Variants in UPP2 observed in about 807,000 individuals in gnomAD.
UPP2 encodes the protein UPase 2.
UPP2 carries 23 observed loss-of-function variants against 26.7 expected under a neutral mutation model. The observed-to-expected ratio is 0.86, with a 90% CI of 0.62 to 1.22. The LOEUF (loss-of-function observed/expected upper bound fraction) is 1.22. UPP2 is among the 50% of genes most tolerant of loss of function. The pLI is 0.00. For missense variants in UPP2, 387 were observed against 396.7 expected (o/e 0.98, Z 0.21); for synonymous variants, 127 against 141.3 (o/e 0.90, Z 0.72).
At chr2:158,088,229 T>G (rs1051569397) in intron 3 of UPP2, among the ~76,000 whole-genome samples, 1 of 152,230 alleles carries the variant, frequency 6.6e-6, no homozygotes, top group Non-Finnish European at 1.5e-5. Context: ...TTTGAAAGCC[T>G]TGTCTTCGAG....
chr2:158,084,575 A>G (rs191821814), intron 3 of UPP2, among the ~76,000 whole-genome samples: 1 of 152,276 alleles, frequency 6.6e-6, no homozygotes, highest in East Asian at 1.9e-4. Context: ...GCCTAAGCCA[A>G]TATCGACAAA....
At chr2:158,063,452 G>A (rs1275364752) in intron 3 of UPP2, among the ~76,000 whole-genome samples, 4 of 152,120 alleles carry the variant, frequency 2.6e-5, no homozygotes, top group Non-Finnish European at 4.4e-5. Context: ...ACCAGGAGCC[G>A]CTCACTGCAT....
intron 1 of UPP2, 94 bp downstream of exon 1, chr2:158,102,219 GC>G: frequency 2.2e-6 from 3 of 1,344,392 alleles, no homozygotes; most frequent in Non-Finnish European, 3.0e-6. Flanking sequence ...CTACAGTTAA[GC>G]AAATTTCTTA....
intron 3 of UPP2, among the ~76,000 whole-genome samples, chr2:158,081,675 G>A (rs867031064): frequency 5.3e-5 from 8 of 152,068 alleles, no homozygotes; most frequent in Admixed American, 1.3e-4. Context: ...CAACGTGGAT[G>A]GAACTGGAGC....
intron 1 of UPP2, among the ~76,000 whole-genome samples, chr2:158,104,917 A>G (rs1339342425): frequency 5.1e-5 from 4 of 79,026 alleles, no homozygotes; most frequent in African/African-American, 2.2e-4. Context: ...CGAAACTCTG[A>G]AAGGGAAGGG....
chr2:158,123,588 C>T (rs1472776272), intron 5 of UPP2, among the ~76,000 whole-genome samples, 161 bp from the exon 6 acceptor site: 2 of 152,206 alleles, frequency 1.3e-5, no homozygotes, highest in Non-Finnish European at 2.9e-5. Flanking sequence ...GCTCCACAGT[C>T]CTCTGGTAGG....
intron 3 of UPP2, among the ~76,000 whole-genome samples, chr2:158,091,878 G>A (rs943436962): frequency 2.0e-4 from 30 of 152,298 alleles, no homozygotes; most frequent in African/African-American, 6.7e-4. Flanking sequence ...TGGCATGATC[G>A]AGTCCATGGT....
At chr2:158,092,677 A>C (rs187525218) in intron 3 of UPP2, among the ~76,000 whole-genome samples, 31 of 152,344 alleles carry the variant, frequency 2.0e-4, no homozygotes. Context: ...CTATCAACAA[A>C]GTGGTAACCA....
At chr2:157,999,256 G>A (rs144305649) in intron 2 of UPP2, among the ~76,000 whole-genome samples, 5 of 152,070 alleles carry the variant, frequency 3.3e-5, no homozygotes, top group African/African-American at 1.2e-4. Flanking sequence ...TTAGCTCACC[G>A]CAACCTCCAC....
chr2:158,118,777 G>A (rs1683497215), intron 4 of UPP2, among the ~76,000 whole-genome samples: 1 of 151,960 alleles, frequency 6.6e-6, no homozygotes, highest in South Asian at 2.1e-4. Flanking sequence ...GACATTTATG[G>A]AGCAAAAAGG....
At chr2:158,090,991 GT>G (rs1392331307) in intron 3 of UPP2, among the ~76,000 whole-genome samples, 1 of 152,184 alleles carries the variant, frequency 6.6e-6, no homozygotes, top group Non-Finnish European at 1.5e-5. Flanking sequence ...CCCAATGACT[GT>G]CTTGAATGCA....
At chr2:158,023,230 T>TG (rs143578289) in intron 3 of UPP2, among the ~76,000 whole-genome samples, 8,522 of 83,668 alleles carry the variant, frequency 0.1, 799 homozygotes, top group Non-Finnish European at 0.13. Flanking sequence ...TGCTGTCAGT[T>TG]GGGGGGGGGC....
intron 3 of UPP2, among the ~76,000 whole-genome samples, chr2:158,034,683 A>G (rs1216122155): frequency 6.6e-6 from 1 of 152,212 alleles, no homozygotes; most frequent in Non-Finnish European, 1.5e-5. Context: ...AATTACGCAT[A>G]GTGAATGAAA....
chr2:158,068,734 G>A (rs1682477313), intron 3 of UPP2, among the ~76,000 whole-genome samples: 1 of 118,050 alleles, frequency 8.5e-6, no homozygotes, highest in Non-Finnish European at 1.6e-5. Context: ...AAATAGAATA[G>A]GTATGGCCTT....
chr2:157,996,233 C>A (rs1287039232), intron 2 of UPP2, among the ~76,000 whole-genome samples: 1 of 152,198 alleles, frequency 6.6e-6, no homozygotes, highest in Non-Finnish European at 1.5e-5. Flanking sequence ...TCTTGGTTTA[C>A]TATAGCTTTG....
intron 2 of UPP2, among the ~76,000 whole-genome samples, chr2:158,112,818 C>G (rs1012905999): frequency 6.6e-6 from 1 of 152,100 alleles, no homozygotes; most frequent in Non-Finnish European, 1.5e-5. Context: ...TTTTAAGATG[C>G]TAGGGATATC....
chr2:158,128,322 T>C (rs1683736021), intron 6 of UPP2, among the ~76,000 whole-genome samples: 2 of 152,212 alleles, frequency 1.3e-5, no homozygotes, highest in Admixed American at 1.3e-4. Context: ...CATGTTTATA[T>C]TCTTCTGCTG....
chr2:158,088,790 G>A (rs977190748), intron 3 of UPP2, among the ~76,000 whole-genome samples: 13 of 152,170 alleles, frequency 8.5e-5, no homozygotes, highest in Non-Finnish European at 1.6e-4. Context: ...TGGACTCTGG[G>A]CTGGTACTGG....
In UPP2 at chr2:158,011,612, G is replaced by A. The variant is rs538853847; in HGVS notation, c.62-4189G>A. ...CCACTGAAGGGAACCAATCACTGTGGAGGAGGATGTAGGGTCATGTGAAAA... is the reference window on the plus strand; with the variant it reads ...CCACTGAAGGGAACCAATCACTGTGAAGGAGGATGTAGGGTCATGTGAAAA... On this transcript the variant is annotated intron_variant, in intron 2 of 9. Coordinates refer to the UPP2 transcript ENST00000605860. 9.4e-5 allele frequency among the ~76,000 whole-genome samples: 14 copies of A among 148,502 alleles called. No homozygotes were observed. In the South Asian group the frequency reaches 3.1e-3, roughly 33 times the overall value.
Sources: allele counts gnomAD v4.1 joint callset (sites outside exome capture counted in the v4.1 genomes callset), GRCh38; gene constraint gnomAD v4.1.1; transcripts MANE v1.5; gene names NCBI Gene and HGNC (gene_info 2026-07-23, HGNC 2026-07-21).